The following PTPRN2 variants were observed in gnomAD, a reference collection of about 807,000 sequenced individuals.
PTPRN2 encodes protein tyrosine phosphatase receptor type N2.
Under a neutral mutation model 118.8 loss-of-function variants are expected in PTPRN2, and 74 were observed. That is an observed-to-expected ratio of 0.62 (90% CI 0.52 to 0.76). The LOEUF is 0.76. Ranked by LOEUF, PTPRN2 falls within the 30% of genes least tolerant of loss-of-function variation. PTPRN2 has a pLI of 0.00. For missense variants in PTPRN2, 1,481 were observed against 1,394.4 expected (o/e 1.06, Z -0.99); for synonymous variants, 641 against 608.0 (o/e 1.05, Z -0.80).
chr7:157,571,202 TAAA>T (rs56184271), intron 20 of PTPRN2, among the ~76,000 whole-genome samples: 1 of 129,556 alleles, frequency 7.7e-6, no homozygotes. Context: ...GCAACAGAGT[TAAA>T]AAAAAAAAAA....
chr7:157,909,460 C>G (rs1471031428), intron 11 of PTPRN2, among the ~76,000 whole-genome samples: 10 of 152,246 alleles, frequency 6.6e-5, no homozygotes, highest in Admixed American at 4.6e-4. Flanking sequence ...CGCATCTCAC[C>G]CACAGTGAGG....
At chr7:158,466,330 CA>C (rs1819383832) in intron 2 of PTPRN2, among the ~76,000 whole-genome samples, 1 of 152,176 alleles carries the variant, frequency 6.6e-6, no homozygotes, top group African/African-American at 2.4e-5. Flanking sequence ...TCCCACCCCC[CA>C]AACCATAACC....
At chr7:157,879,335 ACCC>A (rs993528314) in intron 12 of PTPRN2, among the ~76,000 whole-genome samples, 3 of 152,000 alleles carry the variant, frequency 2.0e-5, no homozygotes, top group African/African-American at 4.8e-5. Flanking sequence ...GCAGGAACAC[ACCC>A]CCCAACACGC....
intron 12 of PTPRN2, among the ~76,000 whole-genome samples, chr7:157,834,113 G>A (rs1055114344): frequency 1.3e-5 from 2 of 151,184 alleles, no homozygotes; most frequent in Non-Finnish European, 2.9e-5. Context: ...ACCAATCAGT[G>A]AGCCAGCAGC....
At chr7:157,569,061 G>C in intron 20 of PTPRN2, 95 bp from the exon 21 acceptor site, 5 of 1,199,528 alleles carry the variant, frequency 4.2e-6, no homozygotes, top group South Asian at 2.5e-5. Flanking sequence ...TCCTGCTTAC[G>C]GGGGCCGGCG....
At chr7:158,487,943 T>C (rs10225002) in intron 2 of PTPRN2, among the ~76,000 whole-genome samples, 70,912 of 152,022 alleles carry the variant, frequency 0.47, 16,878 homozygotes, top group East Asian at 0.68. Flanking sequence ...TTGCTTTTCC[T>C]TTCCAAGGAA....
At chr7:157,730,077 G>A (rs1207141562) in intron 12 of PTPRN2, among the ~76,000 whole-genome samples, 2 of 152,140 alleles carry the variant, frequency 1.3e-5, no homozygotes, top group Admixed American at 6.5e-5. Context: ...GGCTTATAGG[G>A]TAAAGTCCAC....
At chr7:157,918,481 C>T (rs1227673144) in intron 11 of PTPRN2, among the ~76,000 whole-genome samples, 1 of 152,126 alleles carries the variant, frequency 6.6e-6, no homozygotes, top group African/African-American at 2.4e-5. Flanking sequence ...GAGGACGACG[C>T]GTGGGAGCAG....
chr7:157,843,722 C>A (rs559606616), intron 12 of PTPRN2, among the ~76,000 whole-genome samples: 1 of 152,228 alleles, frequency 6.6e-6, no homozygotes, highest in African/African-American at 2.4e-5. Context: ...GCGTGCCACA[C>A]AATATCATGA....
intron 2 of PTPRN2, among the ~76,000 whole-genome samples, chr7:158,317,671 T>G (rs1411006398): frequency 6.6e-6 from 1 of 152,168 alleles, no homozygotes; most frequent in Non-Finnish European, 1.5e-5. Flanking sequence ...AAAGGTTAAT[T>G]CAGGCGCTAC....
At chr7:158,271,062 CACCCCCTCCACCTGGACG>C (rs1265927294) in intron 3 of PTPRN2, among the ~76,000 whole-genome samples, 15 of 139,212 alleles carry the variant, frequency 1.1e-4, no homozygotes, top group Admixed American at 9.1e-4. Context: ...CAACCTGGGC[CACCCCCTCCACCTGGACG>C]ACCCCCTCCA....
At chr7:158,074,265 C>T (rs1563397792) in intron 11 of PTPRN2, among the ~76,000 whole-genome samples, 1 of 152,148 alleles carries the variant, frequency 6.6e-6, no homozygotes, top group Non-Finnish European at 1.5e-5. Context: ...AGCCTCCTGC[C>T]GACGATCCCT....
intron 2 of PTPRN2, among the ~76,000 whole-genome samples, chr7:158,469,735 CAAAAAAA>C (rs56040599): frequency 1.0e-4 from 7 of 67,516 alleles, no homozygotes; most frequent in South Asian, 5.7e-4. Flanking sequence ...AAAACCTGGC[CAAAAAAA>C]AAAAAAAAAA....
intron 11 of PTPRN2, among the ~76,000 whole-genome samples, chr7:157,901,788 C>G (rs112617563): frequency 4.1e-5 from 2 of 48,882 alleles, no homozygotes; most frequent in Non-Finnish European, 1.1e-4. Flanking sequence ...CCTTCCCGTC[C>G]GTGTTTCCTG....
At chr7:158,406,203 G>A (rs1322227282) in intron 2 of PTPRN2, among the ~76,000 whole-genome samples, 2 of 145,704 alleles carry the variant, frequency 1.4e-5, no homozygotes, top group Admixed American at 6.8e-5. Flanking sequence ...CTGAGATCCC[G>A]GTGGCTCATC....
At chr7:157,646,541 G>A (rs1032476713) in intron 14 of PTPRN2, among the ~76,000 whole-genome samples, 5 of 152,190 alleles carry the variant, frequency 3.3e-5, no homozygotes, top group East Asian at 3.8e-4. Flanking sequence ...CTGTATAGCA[G>A]TGTGACAACA....
chr7:157,814,634 T>A (rs1467072339), intron 12 of PTPRN2, among the ~76,000 whole-genome samples: 1 of 152,118 alleles, frequency 6.6e-6, no homozygotes, highest in Non-Finnish European at 1.5e-5. Context: ...TGGGGCCATC[T>A]GCCACCCTCT....
At chr7:157,973,173 G>A (rs1802474206) in intron 11 of PTPRN2, among the ~76,000 whole-genome samples, 1 of 152,218 alleles carries the variant, frequency 6.6e-6, no homozygotes, top group African/African-American at 2.4e-5. Flanking sequence ...GAGCAGCAGT[G>A]GGTGGGAGGA....
chr7:157,993,823 G>A (rs1804438798), intron 11 of PTPRN2, among the ~76,000 whole-genome samples: 1 of 152,172 alleles, frequency 6.6e-6, no homozygotes, highest in African/African-American at 2.4e-5. Context: ...CGTCGATTGA[G>A]CAGACAGGCC....
Sources: allele counts gnomAD v4.1 joint callset (sites outside exome capture counted in the v4.1 genomes callset), GRCh38; gene constraint gnomAD v4.1.1; transcripts MANE v1.5; gene names NCBI Gene and HGNC (gene_info 2026-07-23, HGNC 2026-07-21).